Variants in TTC34 observed in about 807,000 individuals in gnomAD.
TTC34 encodes tetratricopeptide repeat domain 34.
TTC34 carries 44 observed loss-of-function variants against 40.7 expected under a neutral mutation model. The observed-to-expected ratio is 1.08, with a 90% CI of 0.85 to 1.39. TTC34 has a LOEUF of 1.39. TTC34 is among the 40% of genes most tolerant of loss of function. The pLI is 0.00. For missense variants in TTC34, 884 were observed against 838.0 expected (o/e 1.05, Z -0.68); for synonymous variants, 422 against 398.6 (o/e 1.06, Z -0.70).
At chr1:2,797,671 T>C (rs1315780721) in intron 2 of TTC34, among the ~76,000 whole-genome samples, 1 of 151,992 alleles carries the variant, frequency 6.6e-6, no homozygotes, top group East Asian at 1.9e-4. Context: ...GATCCGAGGG[T>C]GGCAGAGTGC....
chr1:2,687,112 T>G (rs61765676), intron 6 of TTC34, among the ~76,000 whole-genome samples: 2 of 32,000 alleles, frequency 6.3e-5, no homozygotes, highest in African/African-American at 1.8e-4. Context: ...CATCGTGGAG[T>G]AGCACCCCAC....
In TTC34 at chr1:2,647,574, C is replaced by T. The variant is rs748159575; in HGVS notation, c.2227-2011G>A. ...GGTTGATCCCAGGAGGTGGAGGTTG[C>T]GGTGAGCTGAGATTGTGGCACTGCA... On this transcript the variant is annotated intron_variant, in intron 6 of 8. Transcript: ENST00000401095. Among the ~76,000 whole-genome samples the T allele has an allele frequency of 5.3e-5, 8 of 152,302 alleles. No individual in the cohort carries two copies. In the South Asian group the frequency reaches 6.2e-4, roughly 12 times the overall value.
At chr1:2,649,758 C>T (rs1410120639) in intron 6 of TTC34, among the ~76,000 whole-genome samples, 1 of 152,146 alleles carries the variant, frequency 6.6e-6, no homozygotes, top group African/African-American at 2.4e-5. Context: ...TGGTGATCCA[C>T]CCACCTCGGC....
chr1:2,646,201 A>T (rs1359576922), intron 6 of TTC34, among the ~76,000 whole-genome samples: 1 of 152,182 alleles, frequency 6.6e-6, no homozygotes, highest in East Asian at 1.9e-4. Flanking sequence ...CCTTACAGCT[A>T]TGAACAAGCC....
chr1:2,790,132 C>T (rs1210297646), exon 3 of TTC34: 2 of 398,206 alleles, frequency 5.0e-6, no homozygotes, highest in Non-Finnish European at 8.9e-6. Context: ...GCACGGCTTC[C>T]TGGAAGCGGG....
chr1:2,683,613 T>A (rs61763528), intron 6 of TTC34, among the ~76,000 whole-genome samples: 2 of 33,208 alleles, frequency 6.0e-5, no homozygotes, highest in African/African-American at 1.7e-4. Flanking sequence ...GCATCTGACA[T>A]CCTTCAGCAG....
intron 6 of TTC34, among the ~76,000 whole-genome samples, chr1:2,783,190 G>A (rs772907806): frequency 2.0e-5 from 3 of 152,204 alleles, no homozygotes; most frequent in East Asian, 1.9e-4. Context: ...ATGGCTGGCC[G>A]AGGCCAGCAC....
At chr1:2,753,285 G>A (rs1327535085) in intron 6 of TTC34, among the ~76,000 whole-genome samples, 784 of 61,766 alleles carry the variant, frequency 0.013, no homozygotes, top group African/African-American at 0.024. Context: ...GCCTGGAACA[G>A]CACCCTGCAC....
chr1:2,777,806 T>C (rs1442624309), intron 6 of TTC34, among the ~76,000 whole-genome samples: 2 of 152,162 alleles, frequency 1.3e-5, no homozygotes, highest in Admixed American at 6.5e-5. Context: ...ACGTCCTGGC[T>C]GACTTTCCCT....
At chr1:2,691,703 T>A (rs1049933937) in intron 6 of TTC34, among the ~76,000 whole-genome samples, 4 of 36,518 alleles carry the variant, frequency 1.1e-4, no homozygotes, top group Admixed American at 2.7e-4. Flanking sequence ...AGCACCCACA[T>A]CCCCAGGTGA....
chr1:2,654,183 T>A (rs1369255097), intron 6 of TTC34, among the ~76,000 whole-genome samples: 3 of 152,170 alleles, frequency 2.0e-5, no homozygotes, highest in African/African-American at 7.2e-5. Context: ...CAGGCGAGCA[T>A]CCGACAGCCT....
rs1165645677 is a variant in TTC34 at position 2,750,741 on chromosome 1, C to T, written c.2226+32868G>A. Among the ~76,000 whole-genome samples, 3 of 143,488 alleles carry T rather than the reference C, an allele frequency of 2.1e-5. 1 individual carries two copies. The highest frequency in any genetic ancestry group is 8.1e-5 in the African/African-American group (3 of 37,156). 94.1% of individuals were successfully genotyped at this position (143,488 alleles called of 152,430 possible). ...AGCACCCACACCCCCAGGTGAGCATCTGATGGTCTGGAGCAGCACGCATAA... is the reference window on the plus strand; with the variant it reads ...AGCACCCACACCCCCAGGTGAGCATTTGATGGTCTGGAGCAGCACGCATAA... On this transcript the variant is annotated intron_variant, in intron 6 of 8. Transcript: ENST00000401095.
chr1:2,682,904 C>A (rs1379532763), intron 6 of TTC34, among the ~76,000 whole-genome samples: 821 of 121,776 alleles, frequency 6.7e-3, no homozygotes, highest in Admixed American at 0.011. Context: ...GGAACAGCAC[C>A]CTGCACCCCC....
At chr1:2,769,580 C>T (rs1641970064) in intron 6 of TTC34, among the ~76,000 whole-genome samples, 1 of 123,906 alleles carries the variant, frequency 8.1e-6, no homozygotes, top group African/African-American at 3.4e-5. Flanking sequence ...CCTGGAACAG[C>T]ACCCCACACC....
At position 2,697,023 on chromosome 1, in the gene TTC34, C is replaced by G. The variant is rs28634578; in HGVS notation, c.2227-51460G>C. Among the ~76,000 whole-genome samples, 227 of 63,738 alleles carry G rather than the reference C, an allele frequency of 3.6e-3. 5 individuals carry two copies. Among genetic ancestry groups the G allele is most frequent in the African/African-American group, 0.012 (179 of 14,510 alleles). The allele number at this position is 63,738 out of a possible 152,430, so 41.8% of individuals were successfully genotyped here. A position where few individuals can be genotyped will look rare whatever the true frequency, so the allele number is the denominator to read the frequency against. Reference sequence around the variant, plus strand: ...ACACCCCCAGGTGAGGATCTGACCGCCTGGAACAGCACCCACACCCCCAGG... The same window carrying G: ...ACACCCCCAGGTGAGGATCTGACCGGCTGGAACAGCACCCACACCCCCAGG... On this transcript the variant is annotated intron_variant, in intron 6 of 8. Coordinates refer to ENST00000401095, the Ensembl canonical transcript of TTC34.
chr1:2,775,425 C>G (rs1374332346), intron 6 of TTC34: 1 of 148,224 alleles, frequency 6.7e-6, no homozygotes, highest in Admixed American at 6.6e-5. Context: ...TGGAACAGCA[C>G]CCACACTCCC....
At chr1:2,755,806 C>T (rs1641485991) in intron 6 of TTC34, among the ~76,000 whole-genome samples, 3 of 114,508 alleles carry the variant, frequency 2.6e-5, no homozygotes, top group Admixed American at 8.7e-5. Context: ...ATCTGATGGT[C>T]TGGAGCAGCA....
chr1:2,756,638 C>T (rs1641514989), intron 6 of TTC34, among the ~76,000 whole-genome samples: 3 of 144,742 alleles, frequency 2.1e-5, no homozygotes, highest in African/African-American at 7.6e-5. Context: ...CCCAGGTGAG[C>T]ATCTGACAGC....
At position 2,675,497 on chromosome 1, in the gene TTC34, TGACAGCCTGCAACAGCACCCTGCACCC is replaced by T. The variant is rs1557600107; in HGVS notation, c.2227-29961_2227-29935del. Among the ~76,000 whole-genome samples, 461 of 108,864 alleles carry T rather than the reference TGACAGCCTGCAACAGCACCCTGCACCC, an allele frequency of 4.2e-3. 5 individuals are homozygous for T. Among genetic ancestry groups the T allele is most frequent in the Non-Finnish European group, 7.0e-3 (329 of 47,174 alleles). The allele number at this position is 108,864 out of a possible 152,430, so 71.4% of individuals were successfully genotyped here. The stretch of plus-strand genomic sequence containing the variant: ...GCACCCACACTCCCAGGTGAGCATC[TGACAGCCTGCAACAGCACCCTGCACCC>T]CCAGGTGCGCACGTGACAGCCTGGA... On this transcript the variant is annotated intron_variant, in intron 6 of 8. Transcript: ENST00000401095.
Sources: gnomAD v4.1 joint callset for allele counts (sites outside exome capture counted in the v4.1 genomes callset) on GRCh38, gnomAD v4.1.1 for gene constraint, MANE v1.5 for transcripts, NCBI Gene and HGNC (gene_info 2026-07-23, HGNC 2026-07-21) for gene names.